The following NOX3 variants were observed in gnomAD, a reference collection of about 807,000 sequenced individuals.
The protein encoded by NOX3 is NADPH oxidase catalytic subunit-like 3.
A neutral mutation model predicts 76.7 loss-of-function variants in NOX3; 74 were observed. That is an observed-to-expected ratio of 0.96 (90% confidence interval 0.80 to 1.17). The LOEUF (loss-of-function observed/expected upper bound fraction) is 1.17. NOX3 is among the 50% of genes most tolerant of loss of function. NOX3 has a pLI of 0.00. For missense variants in NOX3, 695 were observed against 703.3 expected, an observed-to-expected ratio of 0.99 and a Z score of 0.13; for synonymous variants, 263 against 261.1, an observed-to-expected ratio of 1.01 and a Z score of -0.07.
rs973743220 is a variant in NOX3, at chr6:155,451,226, G to A, written c.340+2178C>T. On this transcript the variant is annotated intron_variant, in intron 4 of 13. Coordinates refer to ENST00000159060, the MANE Select transcript of NOX3 (RefSeq NM_015718.3). ...ACTCCTGATCTCAGGTAATCCACCC[G>A]CCCCGGCCTCCCAAAGTGCTGGGAT... 2.3e-4 allele frequency among the ~76,000 whole-genome samples: 35 copies of A among 152,040 alleles called. 1 individual carries two copies. The highest frequency in any genetic ancestry group is 7.7e-4 in the African/African-American group (32 of 41,374).
At chr6:155,455,700 CAA>C in intron 1 of NOX3, 51 bp downstream of exon 1, 3 of 1,433,012 alleles carry the variant, frequency 2.1e-6, no homozygotes, top group Non-Finnish European at 2.9e-6. Context: ...TCCTAAAAAT[CAA>C]AGACTATTCA....
chr6:155,418,555 C>T (rs1776649112), intron 10 of NOX3, among the ~76,000 whole-genome samples: 1 of 152,164 alleles, frequency 6.6e-6, no homozygotes, highest in Non-Finnish European at 1.5e-5. Flanking sequence ...GAAATCCCCT[C>T]CTGCCCATTC....
intron 9 of NOX3, 85 bp downstream of exon 9, chr6:155,428,709 G>A (rs1028411233): frequency 8.0e-7 from 1 of 1,251,490 alleles, no homozygotes; most frequent in South Asian, 2.4e-5. Context: ...TAAAGATATT[G>A]CTGAATCAGG....
In NOX3 at chr6:155,404,653, G is replaced by C. The variant is rs562798643; in HGVS notation, c.1580+2477C>G. Among the ~76,000 whole-genome samples the C allele has an allele frequency of 3.3e-5, 5 of 152,270 alleles. No individual in the cohort carries two copies. The South Asian group carries it at 1.0e-3, about 32-fold the overall frequency. On this transcript the variant is annotated intron_variant, in intron 12 of 13. Coordinates refer to ENST00000159060, the MANE Select transcript of NOX3 (RefSeq NM_015718.3). ...ATGCTTTTCTTGGGGTCTCCTGCTG[G>C]AAAGCCTTTACTCCCTGGCTGAATG...
chr6:155,407,140 T>G lies in NOX3; in HGVS notation c.1570A>C (p.Asn524His), dbSNP rs932185395. 9.9e-6 allele frequency: 16 copies of G among 1,614,066 alleles called. No individual in the cohort carries two copies. Among genetic ancestry groups the G allele is most frequent in the Non-Finnish European group, 1.2e-5 (14 of 1,179,974 alleles). The change falls in exon 12 of 14, where the codon AAT becomes CAT. Residue 524 changes from asparagine to histidine, a missense_variant. Transcript: ENST00000159060. The part of the protein sequence containing the change: ...WNNEFKQIAY[N>H]HPSSSIGVFF... ...AAGAGCTTGCCTTACCTGGGGTGAT[T>G]GTAGGCAATCTGCTTGAACTCATTG...
chr6:155,442,327 T>C (rs76749917), intron 5 of NOX3, among the ~76,000 whole-genome samples: 1,584 of 152,294 alleles, frequency 0.01, 33 homozygotes, highest in African/African-American at 0.036. Context: ...ACCTGATCAA[T>C]GGCCTGATAT....
intron 5 of NOX3, among the ~76,000 whole-genome samples, chr6:155,440,897 A>G (rs1449897538): frequency 2.0e-5 from 3 of 152,116 alleles, no homozygotes; most frequent in African/African-American, 7.2e-5. Context: ...GCAGCTGCAC[A>G]CTCAGTTCCC....
intron 12 of NOX3, among the ~76,000 whole-genome samples, chr6:155,404,022 A>G (rs1211227387): frequency 6.6e-6 from 1 of 152,104 alleles, no homozygotes; most frequent in Non-Finnish European, 1.5e-5. Context: ...ACTGAAAACC[A>G]AGATATAGAT....
intron 7 of NOX3, among the ~76,000 whole-genome samples, chr6:155,431,663 A>T (rs759622016): frequency 6.6e-6 from 1 of 152,332 alleles, no homozygotes; most frequent in South Asian, 2.1e-4. Context: ...TCTGTACAAC[A>T]TAAGGTGTCT....
Position 155,443,312 on chromosome 6 carries a change from A to G in NOX3, c.447T>C (p.Pro149=), listed in dbSNP as rs768163740. The change falls in exon 5 of 14, where the codon CCT becomes CCC. Residue 149 remains proline (P), a synonymous_variant. Transcript: ENST00000159060. The part of the protein sequence containing the change: ...LAALSKLGNT[P]NESYLNPVRT... ...GGACAGGGTTGAGGTAGCTCTCGTT[A>G]GGGGTGTTGCCCAGCTTGGAAAGTG... 9.3e-6 allele frequency: 15 copies of G among 1,614,118 alleles called. No homozygotes were observed. The Admixed American group carries it at 2.2e-4, about 23-fold the overall frequency.
intron 10 of NOX3, among the ~76,000 whole-genome samples, chr6:155,414,623 CTTTTTTTTTTTT>C (rs72348061): frequency 3.5e-5 from 4 of 113,790 alleles, no homozygotes; most frequent in Admixed American, 1.9e-4. Flanking sequence ...TCTTTTCTTT[CTTTTTTTTTTTT>C]TTTTTTTTTT....
intron 12 of NOX3, among the ~76,000 whole-genome samples, chr6:155,398,667 G>T (rs1276603425): frequency 6.6e-6 from 1 of 152,222 alleles, no homozygotes; most frequent in Non-Finnish European, 1.5e-5. Flanking sequence ...CCATGGAAAG[G>T]TATGAGTTTA....
Position 155,396,795 on chromosome 6 carries a change from T to A in NOX3, c.*27+14A>T. 3.8e-6 allele frequency: 6 copies of A among 1,585,502 alleles called. No homozygotes were observed. The highest frequency in any genetic ancestry group is 5.1e-6 in the Non-Finnish European group (6 of 1,165,156). On this transcript the variant is annotated intron_variant, in intron 13 of 13. Transcript: ENST00000159060. The stretch of plus-strand genomic sequence containing the variant: ...GTTTCCCAATCCCTGACCTGTATGA[T>A]TGCAGCCACTTACACAATGCCTGGA...
chr6:155,426,403 A>C (rs1277497461), intron 9 of NOX3, among the ~76,000 whole-genome samples: 1 of 152,168 alleles, frequency 6.6e-6, no homozygotes, highest in Non-Finnish European at 1.5e-5. Flanking sequence ...AGCAAATATA[A>C]ATATTTAACA....
chr6:155,419,571 C>T (rs1776664201), intron 10 of NOX3, among the ~76,000 whole-genome samples: 1 of 152,096 alleles, frequency 6.6e-6, no homozygotes, highest in South Asian at 2.1e-4. Flanking sequence ...CCAAATAGTC[C>T]CTCACATTTT....
At chr6:155,414,737 C>T (rs1431262428) in intron 10 of NOX3, among the ~76,000 whole-genome samples, 1 of 149,998 alleles carries the variant, frequency 6.7e-6, no homozygotes, top group Non-Finnish European at 1.5e-5. Flanking sequence ...AAGTGATTCT[C>T]CTGCCTCAGC....
At chr6:155,450,857 C>G (rs1022801102) in intron 4 of NOX3, among the ~76,000 whole-genome samples, 3 of 152,130 alleles carry the variant, frequency 2.0e-5, no homozygotes, top group Non-Finnish European at 4.4e-5. Flanking sequence ...GTCATTGGAG[C>G]CCTTGGTCAG....
intron 6 of NOX3, among the ~76,000 whole-genome samples, chr6:155,437,074 A>G (rs12196177): frequency 2.0e-5 from 3 of 152,242 alleles, no homozygotes; most frequent in Non-Finnish European, 4.4e-5. Flanking sequence ...CAGTCAAAAC[A>G]GGTCACAATG....
chr6:155,440,147 A>AG lies in NOX3; in HGVS notation c.487-11_487-10insC, dbSNP rs371739217. On this transcript the variant is annotated splice_polypyrimidine_tract_variant and intron_variant, in intron 5 of 13. Coordinates refer to ENST00000159060, the MANE Select transcript of NOX3 (RefSeq NM_015718.3). Reference sequence around the variant, plus strand: ...ATTCAGTGGTTGTGTTCTAAAAAAAACAACAACAACAAAAAAAGAAACAAA... The same window carrying AG: ...ATTCAGTGGTTGTGTTCTAAAAAAAAGCAACAACAACAAAAAAAGAAACAAA... 29 of 1,543,510 alleles carry AG rather than the reference A, an allele frequency of 1.9e-5. No homozygotes were observed. The highest frequency in any genetic ancestry group is 3.7e-5 in the South Asian group (3 of 80,718).
Sources: gnomAD v4.1 joint callset for allele counts (sites outside exome capture counted in the v4.1 genomes callset) on GRCh38, gnomAD v4.1.1 for gene constraint, MANE v1.5 for transcripts, NCBI Gene and HGNC (gene_info 2026-07-23, HGNC 2026-07-21) for gene names.